CRIPT: variants seen among roughly 807,000 people sequenced by gnomAD.
CRIPT encodes the protein CXXC repeat containing interactor of PDZ3 domain.
In CRIPT, 20 loss-of-function variants were observed where a neutral mutation model predicts 16.6. The observed-to-expected ratio is 1.20, with a 90% CI of 0.85 to 1.75. The LOEUF (loss-of-function observed/expected upper bound fraction) is 1.75, where lower values mean the gene tolerates loss of function less well. CRIPT is among the 40% of genes most tolerant of loss of function. The probability of loss-of-function intolerance (pLI) is 0.00; values close to 1 mark genes in which losing one functional copy is unlikely to be tolerated. For synonymous variants in CRIPT, 42 were observed against 37.0 expected (o/e 1.14, Z -0.49); for missense variants, 133 against 115.3 (o/e 1.15, Z -0.70).
At position 46,625,524 on chromosome 2, in the gene CRIPT, A is replaced by C. The variant is rs1313689432; in HGVS notation, c.*1297A>C. The C allele has an allele frequency of 6.6e-6, 1 of 151,920 alleles. No homozygotes were observed. The highest frequency in any genetic ancestry group is 1.5e-5 in the Non-Finnish European group (1 of 68,008). The allele number at this position is 151,920 out of a possible 1,614,324, so 9.4% of individuals were successfully genotyped here. A position where few individuals can be genotyped will look rare whatever the true frequency, so the allele number is the denominator to read the frequency against. On this transcript the variant is annotated 3_prime_UTR_variant, in exon 5 of 5. Transcript: ENST00000238892. ...AAAAGCATTCCCTATTTCCAACTGCAGTATGTATAAATACATATCACTACA... is the reference window on the plus strand; with the variant it reads ...AAAAGCATTCCCTATTTCCAACTGCCGTATGTATAAATACATATCACTACA...
chr2:46,623,456 A>G (rs1015210711), intron 3 of CRIPT, among the ~76,000 whole-genome samples: 1 of 152,234 alleles, frequency 6.6e-6, no homozygotes, highest in Non-Finnish European at 1.5e-5. Context: ...TTTTGCACCC[A>G]CATTTCATCA....
chr2:46,623,139 A>G (rs1475149037), intron 3 of CRIPT, among the ~76,000 whole-genome samples: 2 of 152,312 alleles, frequency 1.3e-5, no homozygotes, highest in East Asian at 1.9e-4. Context: ...AAAGATACAC[A>G]TACTTTATTT....
chr2:46,625,067 G>GTTTTTTTTTTTTTTTTTTTTTTTTTTTT lies in CRIPT; in HGVS notation c.*843_*844insTTTTTTTTTTTTTTTTTTTTTTTTTTTT, dbSNP rs201316537. The GTTTTTTTTTTTTTTTTTTTTTTTTTTTT allele has an allele frequency of 1.1e-5, 1 of 91,650 alleles. No homozygotes were observed. The highest frequency in any genetic ancestry group is 2.1e-5 in the Non-Finnish European group (1 of 47,672). The allele number at this position is 91,650 out of a possible 1,614,324, so 5.7% of individuals were successfully genotyped here. On this transcript the variant is annotated 3_prime_UTR_variant, in exon 5 of 5. Transcript: ENST00000238892. The stretch of plus-strand genomic sequence containing the variant: ...TCTTGACTCTCCCTTTTTAAAATTT[G>GTTTTTTTTTTTTTTTTTTTTTTTTTTTT]TTTGTTTTTTTTTTTTTTTTTTGGA...
intron 3 of CRIPT, among the ~76,000 whole-genome samples, chr2:46,622,831 T>C (rs945767161): frequency 6.6e-6 from 1 of 151,792 alleles, no homozygotes; most frequent in Non-Finnish European, 1.5e-5. Flanking sequence ...AAAAGTGATA[T>C]TCTCTGTGTT....
Position 46,630,015 on chromosome 2 carries a change from C to T in CRIPT, c.*5788C>T, listed in dbSNP as rs910204003. ...AGAGGTTTCCCTTTATCATCAACTT[C>T]GAGTAAGTACTTTTTTCTGAGCCAT... On this transcript the variant is annotated 3_prime_UTR_variant, in exon 5 of 5. Coordinates refer to ENST00000238892, the MANE Select transcript of CRIPT (RefSeq NM_014171.6). Among the ~76,000 whole-genome samples, 12 of 152,074 alleles carry T rather than the reference C, an allele frequency of 7.9e-5. No homozygotes were observed. Among genetic ancestry groups the T allele is most frequent in the Non-Finnish European group, 1.6e-4 (11 of 68,012 alleles).
rs1670954991 is a variant in CRIPT, at chr2:46,627,062, A to G, written c.*2835A>G. Among the ~76,000 whole-genome samples the G allele has an allele frequency of 6.6e-6, 1 of 152,042 alleles. No individual in the cohort carries two copies. The highest frequency in any genetic ancestry group is 2.1e-4 in the South Asian group (1 of 4,806). ...TGGCCAGCCTGGTCTCGAATTCCTG[A>G]CCTCAGGTGATCCACCCATCTCAGC... On this transcript the variant is annotated 3_prime_UTR_variant, in exon 5 of 5. Transcript: ENST00000238892.
Position 46,627,366 on chromosome 2 carries a change from C to A in CRIPT, c.*3139C>A, listed in dbSNP as rs1406060251. On this transcript the variant is annotated 3_prime_UTR_variant, in exon 5 of 5. Transcript: ENST00000238892. ...TGAGGACTTAGCCGTAAGTTCTTTC[C>A]CATAGCTGATGTCCAGATGTTATTT... Among the ~76,000 whole-genome samples the A allele has an allele frequency of 6.6e-6, 1 of 151,912 alleles. No homozygotes were observed. The highest frequency in any genetic ancestry group is 1.5e-5 in the Non-Finnish European group (1 of 67,986).
rs572467578 is a variant in CRIPT, at chr2:46,628,669, C to T, written c.*4442C>T. The stretch of plus-strand genomic sequence containing the variant: ...ATCATCCAGTGGCCGCACTTAGGTT[C>T]TCCTATGAAGATTTTTGTTGTATTG... On this transcript the variant is annotated 3_prime_UTR_variant, in exon 5 of 5. Coordinates refer to ENST00000238892, the MANE Select transcript of CRIPT (RefSeq NM_014171.6). Among the ~76,000 whole-genome samples the T allele has an allele frequency of 1.3e-5, 2 of 152,250 alleles. No homozygotes were observed. Among genetic ancestry groups the T allele is most frequent in the South Asian group, 2.1e-4 (1 of 4,826 alleles).
rs1670976895 is a variant in CRIPT, at chr2:46,627,880, G to A, written c.*3653G>A. Among the ~76,000 whole-genome samples the A allele has an allele frequency of 1.3e-5, 2 of 152,136 alleles. No individual in the cohort carries two copies. Among genetic ancestry groups the A allele is most frequent in the Admixed American group, 1.3e-4 (2 of 15,276 alleles). On this transcript the variant is annotated 3_prime_UTR_variant, in exon 5 of 5. Coordinates refer to ENST00000238892, the MANE Select transcript of CRIPT (RefSeq NM_014171.6). Reference sequence around the variant, plus strand: ...TGAATTAGGGAATCCTTTCTCTGTTGCTTATTTTTGTTAACTTTGTCAAAG... The same window carrying A: ...TGAATTAGGGAATCCTTTCTCTGTTACTTATTTTTGTTAACTTTGTCAAAG...
chr2:46,626,267 T>G lies in CRIPT; in HGVS notation c.*2040T>G, dbSNP rs547967921. On this transcript the variant is annotated 3_prime_UTR_variant, in exon 5 of 5. Coordinates refer to ENST00000238892, the MANE Select transcript of CRIPT (RefSeq NM_014171.6). ...CATGTTGCTGCAAAAGACATGATTTTCATTCTTTTTTATGGCTGCATAGTA... is the reference window on the plus strand; with the variant it reads ...CATGTTGCTGCAAAAGACATGATTTGCATTCTTTTTTATGGCTGCATAGTA... Among the ~76,000 whole-genome samples, 1 of 152,362 alleles carries G rather than the reference T, an allele frequency of 6.6e-6. No individual in the cohort carries two copies. The highest frequency in any genetic ancestry group is 1.9e-4 in the East Asian group (1 of 5,194).
At position 46,618,445 on chromosome 2, in the gene CRIPT, ATT is replaced by A. The variant is rs1670721589; in HGVS notation, c.17-324_17-323del. On this transcript the variant is annotated intron_variant, in intron 1 of 4. Coordinates refer to ENST00000238892, the MANE Select transcript of CRIPT (RefSeq NM_014171.6). ...AAAATTGTGTCTGATTCATCACTTC[ATT>A]TTTCTCAGCACTTTGTATAGTTTAT... 3.3e-5 allele frequency among the ~76,000 whole-genome samples: 5 copies of A among 152,278 alleles called. No homozygotes were observed. The South Asian group carries it at 1.0e-3, about 32-fold the overall frequency.
intron 3 of CRIPT, among the ~76,000 whole-genome samples, chr2:46,620,886 C>G (rs1670785981): frequency 6.6e-6 from 1 of 151,976 alleles, no homozygotes; most frequent in Non-Finnish European, 1.5e-5. Context: ...GCACCACTCT[C>G]TAATCCACTT....
intron 3 of CRIPT, among the ~76,000 whole-genome samples, chr2:46,622,093 G>T (rs112039989): frequency 6.6e-6 from 1 of 152,188 alleles, no homozygotes; most frequent in Non-Finnish European, 1.5e-5. Context: ...GGTTAGGCCG[G>T]GTGCGGTGGC....
Position 46,617,234 on chromosome 2 carries a change from CCTG to C in CRIPT, c.-33_-31del, listed in dbSNP as rs537008712. Reference sequence around the variant, plus strand: ...CAAGTTGTAGTGTTGTTGTTTTCAGCCTGCTGCTGCTGCTGCTGTTGCGGCTAG... The same window carrying C: ...CAAGTTGTAGTGTTGTTGTTTTCAGCCTGCTGCTGCTGCTGTTGCGGCTAG... On this transcript the variant is annotated 5_prime_UTR_variant, in exon 1 of 5. Transcript: ENST00000238892. The C allele has an allele frequency of 7.0e-4, 1,022 of 1,469,462 alleles. No individual in the cohort carries two copies. Among genetic ancestry groups the C allele is most frequent in the East Asian group, 5.7e-3 (221 of 38,546 alleles). 91.0% of individuals were successfully genotyped at this position (1,469,462 alleles called of 1,614,324 possible). A position where few individuals can be genotyped will look rare whatever the true frequency, so the allele number is the denominator to read the frequency against.
intron 2 of CRIPT, among the ~76,000 whole-genome samples, 164 bp from the exon 3 acceptor site, chr2:46,619,463 A>T (rs1040570245): frequency 1.3e-5 from 2 of 152,144 alleles, no homozygotes; most frequent in South Asian, 4.1e-4. Flanking sequence ...TGTTTCCCTA[A>T]TAAATATTTT....
chr2:46,625,367 G>C lies in CRIPT; in HGVS notation c.*1140G>C, dbSNP rs1278113396. 2.8e-5 allele frequency: 4 copies of C among 142,516 alleles called. No individual in the cohort carries two copies. Among genetic ancestry groups the C allele is most frequent in the African/African-American group, 1.1e-4 (4 of 37,420 alleles). The allele number at this position is 142,516 out of a possible 1,614,324, so 8.8% of individuals were successfully genotyped here. On this transcript the variant is annotated 3_prime_UTR_variant, in exon 5 of 5. Transcript: ENST00000238892. ...ATACAGGTGTGAGCCACAGAACTTG[G>C]CCTCTCTCTTTTTTTTTTTTTTTTT...
intron 3 of CRIPT, among the ~76,000 whole-genome samples, chr2:46,622,779 C>CTCTA (rs1451926554): frequency 6.6e-6 from 1 of 151,456 alleles, no homozygotes; most frequent in African/African-American, 2.4e-5. Flanking sequence ...CGCCATTGCA[C>CTCTA]TCTAGCCTGG....
chr2:46,622,726 T>C (rs1372840504), intron 3 of CRIPT, among the ~76,000 whole-genome samples: 2 of 152,158 alleles, frequency 1.3e-5, no homozygotes, highest in Admixed American at 6.5e-5. Flanking sequence ...GACAGGAGAA[T>C]TGCTTGAACC....
In CRIPT at chr2:46,628,046, T is replaced by C. The variant is rs1038400155; in HGVS notation, c.*3819T>C. Among the ~76,000 whole-genome samples, 1 of 152,092 alleles carries C rather than the reference T, an allele frequency of 6.6e-6. No individual in the cohort carries two copies. Among genetic ancestry groups the C allele is most frequent in the Admixed American group, 6.6e-5 (1 of 15,252 alleles). ...AGTTTAACTCAGGTAATGTGATACC[T>C]CAGCTTTGTTTTATTTGCTTAGGAT... On this transcript the variant is annotated 3_prime_UTR_variant, in exon 5 of 5. Transcript: ENST00000238892.
Sources: allele counts gnomAD v4.1 joint callset (sites outside exome capture counted in the v4.1 genomes callset), GRCh38; gene constraint gnomAD v4.1.1; transcripts MANE v1.5; gene names NCBI Gene and HGNC (gene_info 2026-07-23, HGNC 2026-07-21).